The following PRKCB variants were observed in gnomAD, a reference collection of about 807,000 sequenced individuals.
PRKCB encodes protein kinase C beta type.
Under a neutral mutation model 81.5 loss-of-function variants are expected in PRKCB, and 13 were observed. The ratio of observed to expected loss-of-function variants is 0.16; its 90% CI spans 0.10 to 0.25. PRKCB has a LOEUF of 0.25. Ranked by LOEUF, PRKCB falls within the 10% of genes least tolerant of loss-of-function variation. The pLI is 1.00. For synonymous variants in PRKCB, 335 were observed against 321.4 expected, an observed-to-expected ratio of 1.04 and a Z score of -0.45; for missense variants, 509 against 875.7, an observed-to-expected ratio of 0.58 and a Z score of 5.29.
At chr16:24,182,873 T>TGTGTGTG (rs1555501178) in intron 13 of PRKCB, among the ~76,000 whole-genome samples, 3 of 133,608 alleles carry the variant, frequency 2.2e-5, no homozygotes, top group African/African-American at 9.2e-5. Flanking sequence ...ACATTGTTTC[T>TGTGTGTG]TGTGTGTGTG....
At chr16:23,931,512 C>T (rs1313487235) in intron 2 of PRKCB, among the ~76,000 whole-genome samples, 1 of 152,156 alleles carries the variant, frequency 6.6e-6, no homozygotes. Flanking sequence ...GGCTGAGTGT[C>T]ATCAGGTTGG....
chr16:24,210,516 TG>T (rs532027151), intron 16 of PRKCB, among the ~76,000 whole-genome samples: 1,884 of 151,606 alleles, frequency 0.012, 47 homozygotes, highest in African/African-American at 0.043. Flanking sequence ...TTTTTTTTTT[TG>T]AGACAGAGTC....
rs575998849 is a variant in PRKCB at position 24,088,935 on chromosome 16, G to A, written c.530-3856G>A. ...GCCTTGCCAGGGAGAAGAAAGATGA[G>A]CTGTTTCCTCTTGCCTCTGTGTTAC... On this transcript the variant is annotated intron_variant, in intron 5 of 16. Transcript: ENST00000643927. 5.9e-5 allele frequency among the ~76,000 whole-genome samples: 9 copies of A among 152,212 alleles called. No homozygotes were observed. The East Asian group carries it at 1.7e-3, about 29-fold the overall frequency.
At chr16:24,092,766 G>A (rs1966390785) in intron 5 of PRKCB, 25 bp from the exon 6 acceptor site, 1 of 1,609,264 alleles carries the variant, frequency 6.2e-7, no homozygotes, top group African/African-American at 1.3e-5. Flanking sequence ...CAGTATTAAT[G>A]CAAAAACTGC....
intron 2 of PRKCB, chr16:23,869,030 T>G (rs1962857296): frequency 2.3e-6 from 1 of 438,220 alleles, no homozygotes; most frequent in Non-Finnish European, 4.6e-6. Context: ...GTGGATTGTG[T>G]TGTTGTCTCA....
chr16:24,121,109 T>C (rs1038863523), intron 8 of PRKCB, among the ~76,000 whole-genome samples: 1 of 152,228 alleles, frequency 6.6e-6, no homozygotes, highest in African/African-American at 2.4e-5. Flanking sequence ...CTGTGCCATA[T>C]CTGCCTTGCA....
chr16:24,003,713 GAAA>G (rs1415095466), intron 3 of PRKCB, among the ~76,000 whole-genome samples: 1 of 152,148 alleles, frequency 6.6e-6, no homozygotes, highest in East Asian at 1.9e-4. Context: ...ATTGATCTCA[GAAA>G]ATGTTCTGAT....
intron 5 of PRKCB, among the ~76,000 whole-genome samples, chr16:24,067,967 A>T (rs1420688126): frequency 2.0e-5 from 3 of 148,168 alleles, no homozygotes; most frequent in Non-Finnish European, 3.0e-5. Context: ...AAAGAGAGAG[A>T]GAGAGAGCTG....
At chr16:23,845,305 G>A (rs73537023) in intron 2 of PRKCB, among the ~76,000 whole-genome samples, 8 of 152,064 alleles carry the variant, frequency 5.3e-5, no homozygotes, top group Non-Finnish European at 8.8e-5. Flanking sequence ...ACTGGGTACC[G>A]GGAGAATATA....
At chr16:23,886,404 G>GTGTTTTTTTGTTTTTTTT (rs1414637676) in intron 2 of PRKCB, among the ~76,000 whole-genome samples, 1 of 103,340 alleles carries the variant, frequency 9.7e-6, no homozygotes, top group African/African-American at 3.9e-5. Context: ...GGTGTGTTAG[G>GTGTTTTTTTGTTTTTTTT]TGTTTTTTTT....
intron 10 of PRKCB, among the ~76,000 whole-genome samples, chr16:24,155,995 CTTG>C (rs1967150357): frequency 6.6e-6 from 1 of 152,148 alleles, no homozygotes; most frequent in Non-Finnish European, 1.5e-5. Flanking sequence ...CGTATAATGG[CTTG>C]TTGTCTCTCA....
chr16:24,048,110 A>T (rs1965791114), intron 5 of PRKCB, among the ~76,000 whole-genome samples: 1 of 152,242 alleles, frequency 6.6e-6, no homozygotes, highest in Non-Finnish European at 1.5e-5. Context: ...GTTGGGTTCC[A>T]TCTGCTTTAC....
At chr16:24,160,238 C>T (rs756179154) in intron 10 of PRKCB, among the ~76,000 whole-genome samples, 6 of 147,224 alleles carry the variant, frequency 4.1e-5, no homozygotes, top group South Asian at 2.1e-4. Context: ...CTCCGCTTAT[C>T]CTACAGGGAT....
At position 24,083,137 on chromosome 16, in the gene PRKCB, T is replaced by C. The variant is rs150321698; in HGVS notation, c.530-9654T>C. Among the ~76,000 whole-genome samples the C allele has an allele frequency of 5.3e-3, 812 of 152,292 alleles. 16 individuals carry two copies. Among genetic ancestry groups the C allele is most frequent in the Non-Finnish European group, 4.7e-3 (319 of 68,012 alleles). On this transcript the variant is annotated intron_variant, in intron 5 of 16. Transcript: ENST00000643927. ...AAATTAAAACCACAATGAGATACCA[T>C]TGCACACTTACTAGAATGGCTAAAA...
intron 8 of PRKCB, among the ~76,000 whole-genome samples, chr16:24,122,287 T>C (rs761754185): frequency 2.0e-5 from 3 of 152,068 alleles, no homozygotes; most frequent in Middle Eastern, 6.8e-3. Context: ...AGTGCGGAAG[T>C]AGAAAGGAGG....
intron 3 of PRKCB, among the ~76,000 whole-genome samples, chr16:24,008,573 A>T (rs1420718369): frequency 6.6e-6 from 1 of 152,180 alleles, no homozygotes; most frequent in Non-Finnish European, 1.5e-5. Context: ...GAGCCCCAGA[A>T]GCCCTTCTTT....
At chr16:23,848,407 G>A (rs560227271) in intron 2 of PRKCB, among the ~76,000 whole-genome samples, 5 of 152,164 alleles carry the variant, frequency 3.3e-5, no homozygotes, top group Non-Finnish European at 7.4e-5. Flanking sequence ...GGAGCACCTC[G>A]TGGCTGTTGC....
At chr16:23,916,724 A>G (rs1319465336) in intron 2 of PRKCB, among the ~76,000 whole-genome samples, 1 of 152,166 alleles carries the variant, frequency 6.6e-6, no homozygotes, top group Non-Finnish European at 1.5e-5. Flanking sequence ...AATATCCTGT[A>G]TCTTGGTGTT....
intron 7 of PRKCB, among the ~76,000 whole-genome samples, chr16:24,111,747 A>G (rs1966678889): frequency 6.6e-6 from 1 of 152,078 alleles, no homozygotes; most frequent in African/African-American, 2.4e-5. Context: ...GCAGTGAGCT[A>G]TGATTGTGCT....
Sources: gnomAD v4.1 joint callset for allele counts (sites outside exome capture counted in the v4.1 genomes callset) on GRCh38, gnomAD v4.1.1 for gene constraint, MANE v1.5 for transcripts, NCBI Gene and HGNC (gene_info 2026-07-23, HGNC 2026-07-21) for gene names.